The following DNAJB2 variants were observed in gnomAD, a reference collection of about 807,000 sequenced individuals.
DNAJB2 encodes the protein dnaJ homolog subfamily B member 2.
Under a neutral mutation model 33.3 loss-of-function variants are expected in DNAJB2, and 19 were observed. The observed-to-expected ratio is 0.57, with a 90% CI of 0.40 to 0.84. The LOEUF (loss-of-function observed/expected upper bound fraction) is 0.84. Among genes scored for constraint, DNAJB2 ranks in the 40% least tolerant of loss-of-function variants. The probability of loss-of-function intolerance (pLI) is 0.00; values close to 1 mark genes in which losing one functional copy is unlikely to be tolerated. For missense variants in DNAJB2, 368 were observed against 430.9 expected, an observed-to-expected ratio of 0.85 and a Z score of 1.29; for synonymous variants, 172 against 164.6, an observed-to-expected ratio of 1.04 and a Z score of -0.34.
At position 219,279,570 on chromosome 2, in the gene DNAJB2, G is replaced by A; in HGVS notation, c.-37+52G>A. ...GGGGGCCCTGGATCGGACTGCTGGAGTTGGGGGGCCCCGATAGGGCTCCTG... is the reference window on the plus strand; with the variant it reads ...GGGGGCCCTGGATCGGACTGCTGGAATTGGGGGGCCCCGATAGGGCTCCTG... On this transcript the variant is annotated intron_variant, in intron 1 of 8. Transcript: ENST00000336576. The surrounding 1 kb of genome is among the most constrained non-coding windows in gnomAD (Gnocchi z 4.9). 2.1e-6 allele frequency: 1 copy of A among 470,644 alleles called. No individual in the cohort carries two copies. The highest frequency in any genetic ancestry group is 3.8e-6 in the Non-Finnish European group (1 of 261,008). 29.2% of individuals were successfully genotyped at this position (470,644 alleles called of 1,614,324 possible).
chr2:219,284,856 CGA>C lies in DNAJB2; in HGVS notation c.845_846del (p.Arg282ProfsTer24). On this transcript the variant is annotated frameshift_variant, in exon 9 of 9. Coordinates refer to ENST00000336576, the MANE Select transcript of DNAJB2 (RefSeq NM_006736.6). LOFTEE classifies it high-confidence loss of function. The part of the protein sequence containing the change: ...KPAGGREAQH[R>X]RQGRPKAQHQ... The stretch of plus-strand genomic sequence containing the variant: ...CGCAGGTGGGCGGGAGGCACAGCAC[CGA>C]CGGCAGGGGCGGCCCAAGGCCCAGC... The C allele has an allele frequency of 6.2e-7, 1 of 1,610,306 alleles. No individual in the cohort carries two copies. Among genetic ancestry groups the C allele is most frequent in the South Asian group, 1.1e-5 (1 of 90,748 alleles).
chr2:219,282,121 A>G (rs1482093423), intron 5 of DNAJB2, 60 bp downstream of exon 5: 1 of 1,613,424 alleles, frequency 6.2e-7, no homozygotes, highest in African/African-American at 1.3e-5. Flanking sequence ...CTGTCCTTCC[A>G]TCAGCTGGGA....
Position 219,279,844 on chromosome 2 carries a change from A to G in DNAJB2, c.11A>G (p.Tyr4Cys). Residue 4 changes from tyrosine to cysteine, a missense_variant, in exon 2 of 9, where the codon TAC (tyrosine) becomes TGC (cysteine). Tyr to Cys is a radical substitution (Grantham distance 194). Coordinates refer to ENST00000336576, the MANE Select transcript of DNAJB2 (RefSeq NM_006736.6). This position sits in a 1 kb window ranked among gnomAD's most constrained non-coding sequence, Gnocchi z 4.9. MAS[Y>C]YEILDVPRSA... ...GACTGACCAGTTGCCATGGCATCCT[A>G]CTACGAGATCCTAGACGTGCCGCGA... The G allele has an allele frequency of 1.9e-6, 3 of 1,614,002 alleles. No homozygotes were observed. The highest frequency in any genetic ancestry group is 2.5e-6 in the Non-Finnish European group (3 of 1,179,964).
Position 219,283,120 on chromosome 2 carries a change from G to A in DNAJB2, c.446-13G>A. ...TAACCACCTCTCCTCCTCCTCCCTT[G>A]TCCCGATGCCAGATTTCTCCTCCTC... On this transcript the variant is annotated splice_polypyrimidine_tract_variant and intron_variant, in intron 6 of 8. Transcript: ENST00000336576. 1 of 1,613,962 alleles carries A rather than the reference G, an allele frequency of 6.2e-7. No individual in the cohort carries two copies. Among genetic ancestry groups the A allele is most frequent in the Non-Finnish European group, 8.5e-7 (1 of 1,179,866 alleles).
rs1178613791 is a variant in DNAJB2 at position 219,285,030 on chromosome 2, G to A, written c.*43G>A. On this transcript the variant is annotated 3_prime_UTR_variant, in exon 9 of 9. Transcript: ENST00000336576. The stretch of plus-strand genomic sequence containing the variant: ...ATCTGATCCAGATCTTGACTGGGGG[G>A]TCTGACTCACTGTGGGAAGAGAAGA... The A allele has an allele frequency of 2.1e-5, 31 of 1,446,080 alleles. No individual in the cohort carries two copies. Among genetic ancestry groups the A allele is most frequent in the Non-Finnish European group, 2.8e-5 (31 of 1,093,654 alleles). The allele number at this position is 1,446,080 out of a possible 1,614,324, so 89.6% of individuals were successfully genotyped here.
intron 2 of DNAJB2, chr2:219,280,178 C>A: frequency 1.9e-6 from 1 of 536,792 alleles, no homozygotes; most frequent in Non-Finnish European, 3.3e-6. Flanking sequence ...CCTCCTTTCC[C>A]CTCCCCTCCC....
intron 8 of DNAJB2, among the ~76,000 whole-genome samples, chr2:219,284,035 T>G (rs978175036): frequency 2.0e-4 from 31 of 152,344 alleles, no homozygotes; most frequent in African/African-American, 7.2e-4. Context: ...GCCCTTTACA[T>G]GGGCTGACAT....
Position 219,283,206 on chromosome 2 carries a change from T to C in DNAJB2, c.519T>C (p.Phe173=), listed in dbSNP as rs563221082. Residue 173 remains phenylalanine (F), a synonymous_variant, in exon 7 of 9, where the codon TTT becomes TTC. Transcript: ENST00000336576. ...AFRSVSTSTT[F]VQGRRITTRR... ...GCTCTGTTTCTACATCTACCACCTT[T>C]GTCCAAGGACGCCGCATCACCACAC... 25 of 1,614,220 alleles carry C rather than the reference T, an allele frequency of 1.5e-5. No individual in the cohort carries two copies. In the South Asian group the frequency reaches 2.7e-4, roughly 18 times the overall value.
At chr2:219,281,854 C>T in intron 4 of DNAJB2, 83 bp downstream of exon 4, 9 of 1,610,298 alleles carry the variant, frequency 5.6e-6, no homozygotes, top group Non-Finnish European at 6.8e-6. Context: ...GAGGCTCTCT[C>T]AGGCTCCTGG....
chr2:219,280,523 T>G (rs1352939057), intron 2 of DNAJB2, 55 bp from the exon 3 acceptor site: 1 of 1,424,426 alleles, frequency 7.0e-7, no homozygotes, highest in Non-Finnish European at 9.9e-7. Context: ...GGTTCCTGGG[T>G]GGGAAGTGCC....
At chr2:219,282,265 G>A (rs1227886327) in intron 5 of DNAJB2, 1 of 655,768 alleles carries the variant, frequency 1.5e-6, no homozygotes, top group Non-Finnish European at 2.6e-6. Flanking sequence ...ACACTTCACA[G>A]ACTCACCTTA....
At chr2:219,281,536 G>A (rs902618719) in intron 3 of DNAJB2, 182 bp from the exon 4 acceptor site, 6 of 672,810 alleles carry the variant, frequency 8.9e-6, no homozygotes, top group Non-Finnish European at 1.5e-5. Context: ...GAAGAGGCCA[G>A]CTGTGTGAAA....
At chr2:219,283,076 A>AG in intron 6 of DNAJB2, 57 bp from the exon 7 acceptor site, 1 of 1,604,046 alleles carries the variant, frequency 6.2e-7, no homozygotes, top group Non-Finnish European at 8.5e-7. Flanking sequence ...TGACCACAAC[A>AG]GGCAGCGCAG....
At chr2:219,283,390 C>A (rs373945499) in intron 7 of DNAJB2, 29 bp from the exon 8 acceptor site, 3 of 1,612,180 alleles carry the variant, frequency 1.9e-6, no homozygotes, top group South Asian at 1.1e-5. Context: ...TGTCACTGCT[C>A]GTTGCCTGAA....
chr2:219,282,241 G>A (rs1277448273), intron 5 of DNAJB2, 180 bp downstream of exon 5: 12 of 824,532 alleles, frequency 1.5e-5, no homozygotes, highest in East Asian at 2.7e-5. Flanking sequence ...CAGAACCCCC[G>A]TAATCCAACA....
At chr2:219,282,161 G>A (rs193176187) in intron 5 of DNAJB2, 100 bp downstream of exon 5, 20 of 1,598,714 alleles carry the variant, frequency 1.3e-5, no homozygotes, top group African/African-American at 4.0e-5. Flanking sequence ...GAGAGGGGAC[G>A]GGAATGCCAC....
intron 3 of DNAJB2, chr2:219,281,334 T>C: frequency 4.4e-6 from 1 of 229,038 alleles, no homozygotes. Flanking sequence ...CTGGTGGTTG[T>C]AGAAGGCCTC....
In DNAJB2 at chr2:219,285,955, C is replaced by G. The variant is rs1377920516; in HGVS notation, c.*968C>G. 6.2e-7 allele frequency: 1 copy of G among 1,611,002 alleles called. No individual in the cohort carries two copies. The highest frequency in any genetic ancestry group is 1.7e-5 in the Admixed American group (1 of 59,968). On this transcript the variant is annotated 3_prime_UTR_variant, in exon 9 of 9. Coordinates refer to ENST00000336576, the MANE Select transcript of DNAJB2 (RefSeq NM_006736.6). ...CTCCACAGCTTGCCGCTGACGCTCT[C>G]TCCTGTCACCCCGCCCCTGCTCTCT... is the stretch of plus-strand genomic sequence containing the variant.
At position 219,284,704 on chromosome 2, in the gene DNAJB2, C is replaced by T. The variant is rs1042709571; in HGVS notation, c.692C>T (p.Ser231Phe). ...REQQPSVTSR[S>F]GGTQVQQTPA... The stretch of plus-strand genomic sequence containing the variant: ...CAGCAGCCGTCAGTCACTTCCAGGT[C>T]TGGGGGCACTCAGGTCCAGCAGACC... Residue 231 changes from serine to phenylalanine, a missense_variant, in exon 9 of 9, where the codon TCT becomes TTT. Physicochemically the swap from Ser to Phe is radical, Grantham distance 155 (BLOSUM62 -2). Transcript: ENST00000336576. 5 of 1,612,770 alleles carry T rather than the reference C, an allele frequency of 3.1e-6. No individual in the cohort carries two copies. Among genetic ancestry groups the T allele is most frequent in the Middle Eastern group, 1.7e-4 (1 of 5,986 alleles).
Sources: allele counts gnomAD v4.1 joint callset (sites outside exome capture counted in the v4.1 genomes callset), GRCh38; gene constraint gnomAD v4.1.1; non-coding constraint Gnocchi (gnomAD v3.1); transcripts MANE v1.5; gene names NCBI Gene and HGNC (gene_info 2026-07-23, HGNC 2026-07-21).